AMBP: variants seen among roughly 807,000 people sequenced by gnomAD.
AMBP encodes the protein protein AMBP.
AMBP carries 37 observed loss-of-function variants against 46.3 expected under a neutral mutation model. The ratio of observed to expected loss-of-function variants is 0.80; its 90% CI spans 0.61 to 1.05. AMBP has a LOEUF of 1.05. AMBP is among the 50% of genes least tolerant of loss of function. AMBP has a pLI of 0.00. For synonymous variants in AMBP, 174 were observed against 175.9 expected, an observed-to-expected ratio of 0.99 and a Z score of 0.09; for missense variants, 475 against 461.2, an observed-to-expected ratio of 1.03 and a Z score of -0.27.
chr9:114,078,124 A>G lies in AMBP; in HGVS notation c.86T>C (p.Ile29Thr), dbSNP rs773780795. ...AGPVPTPPDN[I>T]QVQENFNISR... ...GATATTGAAGTTTTCCTGCACTTGG[A>G]TGTTGTCGGGCGGCGTTGGCACAGG... The change falls in exon 1 of 10, where the codon ATC becomes ACC. Residue 29 changes from isoleucine (I) to threonine (T), a missense_variant. Ile to Thr is a moderately conservative substitution (Grantham distance 89). This residue lies in a region of AMBP where 179 missense variants were observed against 167.4 expected (regional missense o/e 1.07). Transcript: ENST00000265132. 1 of 1,613,934 alleles carries G rather than the reference A, an allele frequency of 6.2e-7. No individual in the cohort carries two copies. Among genetic ancestry groups the G allele is most frequent in the South Asian group, 1.1e-5 (1 of 91,064 alleles).
chr9:114,062,087 C>T (rs546699478), intron 7 of AMBP, among the ~76,000 whole-genome samples: 5 of 152,300 alleles, frequency 3.3e-5, no homozygotes, highest in South Asian at 4.2e-4. Flanking sequence ...ACCCCTCCAA[C>T]GTCTCAGCTC....
intron 1 of AMBP, 41 bp downstream of exon 1, chr9:114,078,052 C>CA: frequency 6.2e-7 from 1 of 1,603,990 alleles, no homozygotes; most frequent in Non-Finnish European, 8.5e-7. Flanking sequence ...CTGGACTCCC[C>CA]ATCACCACAT....
chr9:114,077,730 AGG>A (rs1846828987), intron 1 of AMBP: 2 of 222,190 alleles, frequency 9.0e-6, no homozygotes, highest in Non-Finnish European at 1.8e-5. Flanking sequence ...CCACAGAGAG[AGG>A]GGAGTCATTA....
intron 1 of AMBP, among the ~76,000 whole-genome samples, 163 bp from the exon 2 acceptor site, chr9:114,076,903 C>G (rs1211152738): frequency 1.3e-5 from 2 of 152,144 alleles, no homozygotes; most frequent in Non-Finnish European, 2.9e-5. Context: ...TCAGAGGCCA[C>G]ACACCTTCAA....
rs1160717280 is a variant in AMBP at position 114,061,496 on chromosome 9, A to C, written c.781T>G (p.Tyr261Asp). 1.2e-6 allele frequency: 2 copies of C among 1,614,168 alleles called. No homozygotes were observed. The highest frequency in any genetic ancestry group is 2.2e-5 in the East Asian group (1 of 44,870). Residue 261 changes from tyrosine to aspartate, a missense_variant, in exon 8 of 10, where the codon TAC (tyrosine) becomes GAC (aspartate). Physicochemically the swap from Tyr to Asp is radical, Grantham distance 160. Coordinates refer to ENST00000265132, the MANE Select transcript of AMBP (RefSeq NM_001633.4). ...TTACCGTTGCCCATGCAGCCGCCGTACTGGAAAGTCTCACAGGCCATGGAT... is the reference window on the plus strand; with the variant it reads ...TTACCGTTGCCCATGCAGCCGCCGTCCTGGAAAGTCTCACAGGCCATGGAT... The part of the protein sequence containing the change: ...GTSMACETFQ[Y>D]GGCMGNGNNF...
chr9:114,066,413 A>G lies in AMBP; in HGVS notation c.603+3286T>C, dbSNP rs1008972077. Among the ~76,000 whole-genome samples, 32 of 34,676 alleles carry G rather than the reference A, an allele frequency of 9.2e-4. No homozygotes were observed. The South Asian group carries it at 0.028, about 30-fold the overall frequency. The allele number at this position is 34,676 out of a possible 152,430, so 22.7% of individuals were successfully genotyped here. On this transcript the variant is annotated intron_variant, in intron 6 of 9. Transcript: ENST00000265132. The stretch of plus-strand genomic sequence containing the variant: ...TGTGTGTGTGTGTGTGTGTGTGTGT[A>G]GAGATGGGGTCTTGCTATGTTGCCC...
At chr9:114,074,796 G>A (rs988513397) in intron 3 of AMBP, among the ~76,000 whole-genome samples, 164 bp downstream of exon 3, 2 of 152,042 alleles carry the variant, frequency 1.3e-5, no homozygotes, top group South Asian at 4.1e-4. Context: ...GGGAGGAGGA[G>A]AGGAGGAGAA....
At chr9:114,070,126 G>T (rs1846729071) in intron 5 of AMBP, among the ~76,000 whole-genome samples, 1 of 152,226 alleles carries the variant, frequency 6.6e-6, no homozygotes, top group Non-Finnish European at 1.5e-5. Flanking sequence ...ACAGAGGAGG[G>T]AAATGAGGCT....
chr9:114,069,790 C>T (rs762906171), intron 5 of AMBP, 45 bp from the exon 6 acceptor site: 48 of 1,601,828 alleles, frequency 3.0e-5, no homozygotes, highest in Non-Finnish European at 4.0e-5. Context: ...AGGACCAGGC[C>T]CAGGGGCCAT....
intron 7 of AMBP, 94 bp downstream of exon 7, chr9:114,062,583 A>C (rs1397540509): frequency 4.0e-6 from 5 of 1,241,900 alleles, no homozygotes; most frequent in Non-Finnish European, 4.7e-6. Context: ...ACAGATAAAG[A>C]GACTGCACTG....
chr9:114,075,030 A>G lies in AMBP; in HGVS notation c.267T>C (p.Gly89=), dbSNP rs1846790776. 2 of 1,613,888 alleles carry G rather than the reference A, an allele frequency of 1.2e-6. No individual in the cohort carries two copies. Among genetic ancestry groups the G allele is most frequent in the African/African-American group, 1.3e-5 (1 of 74,914 alleles). The change falls in exon 3 of 10, where the codon GGT becomes GGC. Residue 89 remains glycine, a synonymous_variant. Transcript: ENST00000265132. The stretch of plus-strand genomic sequence containing the variant: ...AAGCTCCAGACGTCTCCTCACAGAC[A>G]CCTTTCCTAGAAATGAACAAATCAA... ...ISMTSTRWRK[G]VCEETSGAYE...
In AMBP at chr9:114,061,295, T is replaced by G. The variant is rs61528631; in HGVS notation, c.853+129A>C. 0.01 allele frequency: 15,554 copies of G among 1,489,046 alleles called. 799 individuals are homozygous for G. In the African/African-American group the frequency reaches 0.15, roughly 14 times the overall value. 92.2% of individuals were successfully genotyped at this position (1,489,046 alleles called of 1,614,324 possible). ...ATCCAAAGGTGGAATTCCTAAGATTTCAGGAAACCGCCTGGAGTTCTACCA... is the reference window on the plus strand; with the variant it reads ...ATCCAAAGGTGGAATTCCTAAGATTGCAGGAAACCGCCTGGAGTTCTACCA... On this transcript the variant is annotated intron_variant, in intron 8 of 9. Transcript: ENST00000265132.
At position 114,072,624 on chromosome 9, in the gene AMBP, C is replaced by G. The variant is rs185736458; in HGVS notation, c.556+301G>C. Among the ~76,000 whole-genome samples, 517 of 152,322 alleles carry G rather than the reference C, an allele frequency of 3.4e-3. 5 individuals are homozygous for G. The highest frequency in any genetic ancestry group is 1.2e-3 in the Non-Finnish European group (84 of 68,030). On this transcript the variant is annotated intron_variant, in intron 5 of 9. Coordinates refer to ENST00000265132, the MANE Select transcript of AMBP (RefSeq NM_001633.4). The stretch of plus-strand genomic sequence containing the variant: ...TCCCGTAACACTCTGATTCCTGAGC[C>G]CACTTTCTTAATCCCAAAACTCTTT...
chr9:114,065,113 C>T (rs1200405456), intron 6 of AMBP, among the ~76,000 whole-genome samples: 2 of 152,210 alleles, frequency 1.3e-5, no homozygotes, highest in African/African-American at 4.8e-5. Context: ...CCAGAACATT[C>T]AGCAGTCCTT....
chr9:114,076,508 G>T, intron 2 of AMBP, 90 bp downstream of exon 2: 1 of 1,544,192 alleles, frequency 6.5e-7, no homozygotes, highest in East Asian at 2.3e-5. Context: ...ACTGGAAGCA[G>T]AGATCTGCAA....
chr9:114,074,934 C>A, intron 3 of AMBP, 26 bp downstream of exon 3: 1 of 1,595,678 alleles, frequency 6.3e-7, no homozygotes, highest in South Asian at 1.1e-5. Flanking sequence ...GGAGAGAATG[C>A]ATGTGTCTCT....
At chr9:114,073,723 T>A (rs1474228254) in intron 4 of AMBP, among the ~76,000 whole-genome samples, 1 of 152,138 alleles carries the variant, frequency 6.6e-6, no homozygotes, top group Non-Finnish European at 1.5e-5. Context: ...GGTCTCAAAC[T>A]CCTGGCCTCA....
chr9:114,060,889 C>T, intron 9 of AMBP, 36 bp downstream of exon 9: 1 of 1,596,142 alleles, frequency 6.3e-7, no homozygotes, highest in Non-Finnish European at 8.5e-7. Flanking sequence ...TCCAACAGCC[C>T]CTCGGCCCAG....
At chr9:114,069,635 C>T in intron 6 of AMBP, 64 bp downstream of exon 6, 2 of 1,464,878 alleles carry the variant, frequency 1.4e-6, no homozygotes, top group Non-Finnish European at 1.9e-6. Flanking sequence ...ATCAAGTGTG[C>T]AGCGTGCCTG....
Sources: allele counts gnomAD v4.1 joint callset (sites outside exome capture counted in the v4.1 genomes callset), GRCh38; gene constraint gnomAD v4.1.1; regional missense constraint gnomAD v4.1.1; transcripts MANE v1.5; gene names NCBI Gene and HGNC (gene_info 2026-07-23, HGNC 2026-07-21).